ANO10: variants seen among roughly 807,000 people sequenced by gnomAD.
ANO10 encodes the protein anoctamin 10.
In ANO10, 77 loss-of-function variants were observed where a neutral mutation model predicts 74.7. That is an observed-to-expected ratio of 1.03 (90% CI 0.86 to 1.25). The LOEUF is 1.25. ANO10 is among the 50% of genes most tolerant of loss of function. The pLI is 0.00. For missense variants in ANO10, 721 were observed against 778.1 expected, an observed-to-expected ratio of 0.93 and a Z score of 0.87; for synonymous variants, 279 against 284.9, an observed-to-expected ratio of 0.98 and a Z score of 0.21.
At chr3:43,618,486 G>GC (rs747944955) in intron 1 of ANO10, among the ~76,000 whole-genome samples, 2 of 152,160 alleles carry the variant, frequency 1.3e-5, no homozygotes, top group African/African-American at 2.4e-5. Flanking sequence ...ATATACTGTG[G>GC]CATCTCAGTA....
chr3:43,654,402 C>T (rs2083823646), intron 1 of ANO10, among the ~76,000 whole-genome samples: 1 of 152,058 alleles, frequency 6.6e-6, no homozygotes. Flanking sequence ...GGTATATAAT[C>T]TTTAATGGGA....
chr3:43,386,626 G>A (rs1235353787), intron 12 of ANO10, among the ~76,000 whole-genome samples: 1 of 150,460 alleles, frequency 6.6e-6, no homozygotes, highest in African/African-American at 2.5e-5. Flanking sequence ...CGGGCTTTTT[G>A]AAAGTTGTGT....
chr3:43,610,186 T>C (rs553550850), intron 1 of ANO10, among the ~76,000 whole-genome samples: 1 of 152,250 alleles, frequency 6.6e-6, no homozygotes, highest in Non-Finnish European at 1.5e-5. Flanking sequence ...TTAACCTAGA[T>C]CTACACAGGG....
At chr3:43,596,837 T>C (rs1161079293) in intron 4 of ANO10, among the ~76,000 whole-genome samples, 1 of 152,120 alleles carries the variant, frequency 6.6e-6, no homozygotes, top group Non-Finnish European at 1.5e-5. Context: ...ACCCACAGAA[T>C]GGGAGAAAAT....
chr3:43,478,637 T>G (rs533437721), intron 11 of ANO10, among the ~76,000 whole-genome samples: 1 of 152,216 alleles, frequency 6.6e-6, no homozygotes, highest in Non-Finnish European at 1.5e-5. Context: ...TGGGGAGAAG[T>G]CTTTGGCACA....
At chr3:43,686,857 AG>A (rs1301501640) in intron 1 of ANO10, among the ~76,000 whole-genome samples, 5 of 152,184 alleles carry the variant, frequency 3.3e-5, no homozygotes, top group African/African-American at 1.2e-4. Flanking sequence ...GCTGATTGGC[AG>A]TAGGAACACA....
chr3:43,655,019 T>A (rs1287769041), intron 1 of ANO10, among the ~76,000 whole-genome samples: 1 of 152,226 alleles, frequency 6.6e-6, no homozygotes, highest in Non-Finnish European at 1.5e-5. Context: ...ATTAATTCCA[T>A]AAAGCACAGG....
intron 12 of ANO10, among the ~76,000 whole-genome samples, chr3:43,390,228 G>C (rs955224419): frequency 6.6e-6 from 1 of 152,294 alleles, no homozygotes; most frequent in East Asian, 1.9e-4. Flanking sequence ...ACTGGACGTT[G>C]AGCCCACCAC....
intron 1 of ANO10, among the ~76,000 whole-genome samples, chr3:43,631,791 G>T (rs2083550729): frequency 6.6e-6 from 1 of 151,192 alleles, no homozygotes; most frequent in African/African-American, 2.4e-5. Context: ...GAAAAAAAAA[G>T]AAAGTTACAG....
At chr3:43,605,269 G>A (rs893455052) in intron 2 of ANO10, among the ~76,000 whole-genome samples, 4 of 152,010 alleles carry the variant, frequency 2.6e-5, no homozygotes, top group Admixed American at 6.6e-5. Context: ...GCTCTTCCAT[G>A]TACTTTTCTT....
intron 11 of ANO10, among the ~76,000 whole-genome samples, chr3:43,491,374 C>T (rs1304079826): frequency 6.6e-6 from 1 of 152,018 alleles, no homozygotes; most frequent in Non-Finnish European, 1.5e-5. Context: ...ATTAGCCAGG[C>T]GTAGTGGCAG....
chr3:43,490,628 G>A (rs578025676), intron 11 of ANO10, among the ~76,000 whole-genome samples: 6 of 152,228 alleles, frequency 3.9e-5, no homozygotes, highest in South Asian at 2.1e-4. Flanking sequence ...CTAAAAAGCC[G>A]GAACACACTT....
chr3:43,489,959 G>C (rs572223358), intron 11 of ANO10, among the ~76,000 whole-genome samples: 17 of 152,056 alleles, frequency 1.1e-4, no homozygotes, highest in African/African-American at 4.1e-4. Context: ...CTGTTATAAC[G>C]AATCACTGGA....
At chr3:43,620,804 G>C (rs566128672) in intron 1 of ANO10, among the ~76,000 whole-genome samples, 1 of 152,170 alleles carries the variant, frequency 6.6e-6, no homozygotes, top group Non-Finnish European at 1.5e-5. Flanking sequence ...GGGTTTAAGT[G>C]CATTTACACA....
intron 11 of ANO10, among the ~76,000 whole-genome samples, chr3:43,442,572 C>T (rs2093176350): frequency 6.6e-6 from 1 of 152,172 alleles, no homozygotes; most frequent in African/African-American, 2.4e-5. Flanking sequence ...ATTCTGTGTT[C>T]ATGTGCTGTA....
At chr3:43,690,985 C>G (rs761573163) in intron 1 of ANO10, 2 of 1,572,754 alleles carry the variant, frequency 1.3e-6, no homozygotes, top group Admixed American at 1.8e-5. Flanking sequence ...GCTTGCGCGG[C>G]GGCGGCTATG....
Position 43,441,938 on chromosome 3 carries a change from C to T in ANO10, c.1798-9211G>A, listed in dbSNP as rs184779566. On this transcript the variant is annotated intron_variant, in intron 11 of 12. Coordinates refer to ENST00000292246, the MANE Select transcript of ANO10 (RefSeq NM_018075.5). ...CAATTGATGCAAAAAAAGTATACGACAAAATTCAATACCCTTTCATGATAA... is the reference window on the plus strand; with the variant it reads ...CAATTGATGCAAAAAAAGTATACGATAAAATTCAATACCCTTTCATGATAA... 5.2e-4 allele frequency among the ~76,000 whole-genome samples: 79 copies of T among 152,114 alleles called. No homozygotes were observed. The East Asian group carries it at 0.013, about 25-fold the overall frequency.
chr3:43,690,873 G>C, intron 1 of ANO10: 2 of 1,141,088 alleles, frequency 1.8e-6, no homozygotes, highest in Non-Finnish European at 2.3e-6. Flanking sequence ...CCGTGCTAGT[G>C]CGCGGAAGAC....
intron 1 of ANO10, among the ~76,000 whole-genome samples, chr3:43,616,135 C>T (rs2083092014): frequency 6.6e-6 from 1 of 152,138 alleles, no homozygotes; most frequent in Non-Finnish European, 1.5e-5. Flanking sequence ...ATCTTCCATC[C>T]CGCACCTATC....
Sources: allele counts gnomAD v4.1 joint callset (sites outside exome capture counted in the v4.1 genomes callset), GRCh38; gene constraint gnomAD v4.1.1; transcripts MANE v1.5; gene names NCBI Gene and HGNC (gene_info 2026-07-23, HGNC 2026-07-21).